Variants in DIP2C observed in about 807,000 individuals in gnomAD.
DIP2C encodes DIP2 acetate--CoA ligase C (putative).
Under a neutral mutation model 192.4 loss-of-function variants are expected in DIP2C, and 33 were observed. That is an observed-to-expected ratio of 0.17 (90% confidence interval 0.13 to 0.23). The LOEUF is 0.23. DIP2C is among the 10% of genes least tolerant of loss of function. DIP2C has a pLI of 1.00. For missense variants in DIP2C, 1,537 were observed against 2,110.1 expected (o/e 0.73, Z 5.32); for synonymous variants, 979 against 864.1 (o/e 1.13, Z -2.33).
chr10:566,004 G>C (rs536019750), intron 1 of DIP2C, among the ~76,000 whole-genome samples: 1 of 152,296 alleles, frequency 6.6e-6, no homozygotes, highest in East Asian at 1.9e-4. Flanking sequence ...CCGGCATTCA[G>C]ACACTGTCAG....
At chr10:581,350 CAA>C (rs1477160639) in intron 1 of DIP2C, among the ~76,000 whole-genome samples, 3 of 152,082 alleles carry the variant, frequency 2.0e-5, no homozygotes, top group African/African-American at 7.2e-5. Flanking sequence ...CCACTGTTGA[CAA>C]AATACAGGCA....
chr10:613,004 G>GT (rs1853206133), intron 1 of DIP2C, among the ~76,000 whole-genome samples: 1 of 152,140 alleles, frequency 6.6e-6, no homozygotes, highest in Admixed American at 6.5e-5. Flanking sequence ...CGCTGACCAC[G>GT]TTCTTTCCTG....
Position 382,702 on chromosome 10 carries a change from C to T in DIP2C, c.1936G>A (p.Glu646Lys). The change falls in exon 17 of 37, where the codon GAG becomes AAG. Residue 646 changes from glutamate (E) to lysine (K), a missense_variant. Glu to Lys is a moderately conservative substitution (Grantham distance 56). This residue lies in a region of DIP2C where 677 missense variants were observed against 989.9 expected (regional missense o/e 0.68). Coordinates refer to ENST00000280886, the MANE Select transcript of DIP2C (RefSeq NM_014974.3). ...GAGCTGGCACAAGGACAGATGACCTCCTGTCGAAGGCCTTTACTTTGGAAG... is the reference window on the plus strand; with the variant it reads ...GAGCTGGCACAAGGACAGATGACCTTCTGTCGAAGGCCTTTACTTTGGAAG... ...NVFQSKGLRQ[E>K]VICPCASSPE... The T allele has an allele frequency of 6.2e-7, 1 of 1,613,936 alleles. No homozygotes were observed. Among genetic ancestry groups the T allele is most frequent in the South Asian group, 1.1e-5 (1 of 91,002 alleles).
At chr10:559,440 T>C (rs996137055) in intron 1 of DIP2C, among the ~76,000 whole-genome samples, 1 of 152,068 alleles carries the variant, frequency 6.6e-6, no homozygotes, top group African/African-American at 2.4e-5. Context: ...AAGGAACATA[T>C]TTAAAAGCCC....
At chr10:558,145 A>C (rs910818447) in intron 1 of DIP2C, among the ~76,000 whole-genome samples, 2 of 152,198 alleles carry the variant, frequency 1.3e-5, no homozygotes, top group African/African-American at 4.8e-5. Flanking sequence ...TTGTCTTACC[A>C]GCCACGCTGT....
chr10:620,229 A>G (rs1247810914), intron 1 of DIP2C, among the ~76,000 whole-genome samples: 1 of 152,004 alleles, frequency 6.6e-6, no homozygotes, highest in Admixed American at 6.6e-5. Context: ...CTGCCTATCT[A>G]TTTTATGGGA....
At chr10:678,601 ACTCGTGATC>A (rs1830962251) in intron 1 of DIP2C, among the ~76,000 whole-genome samples, 1 of 131,188 alleles carries the variant, frequency 7.6e-6, no homozygotes. Flanking sequence ...TGCTCCCCAC[ACTCGTGATC>A]CCCGTGCCCA....
intron 1 of DIP2C, chr10:664,523 T>C (rs1015395913): frequency 4.6e-5 from 7 of 152,148 alleles, no homozygotes; most frequent in African/African-American, 1.7e-4. Flanking sequence ...AATCATCCAA[T>C]AAAATGACAC....
At chr10:546,516 T>C (rs987893892) in intron 1 of DIP2C, among the ~76,000 whole-genome samples, 1 of 152,166 alleles carries the variant, frequency 6.6e-6, no homozygotes, top group East Asian at 1.9e-4. Context: ...AAATGTCTGA[T>C]CCCATGCTAT....
intron 1 of DIP2C, among the ~76,000 whole-genome samples, chr10:550,216 G>T (rs189429844): frequency 6.6e-6 from 1 of 152,106 alleles, no homozygotes; most frequent in African/African-American, 2.4e-5. Flanking sequence ...CACCATGTTG[G>T]CCAGGCTGGT....
chr10:621,041 G>A (rs1853815077), intron 1 of DIP2C, among the ~76,000 whole-genome samples: 1 of 152,152 alleles, frequency 6.6e-6, no homozygotes, highest in Non-Finnish European at 1.5e-5. Context: ...TCCTGAGGAG[G>A]CCCAAGTACC....
chr10:320,964 G>C (rs1376208754), intron 31 of DIP2C, among the ~76,000 whole-genome samples: 1 of 152,178 alleles, frequency 6.6e-6, no homozygotes, highest in Admixed American at 6.5e-5. Context: ...GGCGGAGCAG[G>C]ATGAGGGCAG....
chr10:313,173 C>T (rs1019275906), intron 31 of DIP2C, among the ~76,000 whole-genome samples: 2 of 152,094 alleles, frequency 1.3e-5, no homozygotes, highest in East Asian at 1.9e-4. Context: ...CTTCATATTG[C>T]CAAAGAATGC....
intron 3 of DIP2C, among the ~76,000 whole-genome samples, chr10:450,261 G>A (rs548202843): frequency 1.8e-4 from 26 of 146,376 alleles, no homozygotes; most frequent in African/African-American, 2.5e-4. Flanking sequence ...CAATGGTCCC[G>A]TGTTGCATTT....
chr10:349,571 C>A, intron 24 of DIP2C, 117 bp from the exon 25 acceptor site: 1 of 1,404,420 alleles, frequency 7.1e-7, no homozygotes, highest in South Asian at 1.4e-5. Flanking sequence ...GTTTTTAGAA[C>A]AAGCACAGAC....
intron 15 of DIP2C, 54 bp downstream of exon 15, chr10:384,492 C>A (rs918463838): frequency 6.4e-7 from 1 of 1,566,478 alleles, no homozygotes; most frequent in East Asian, 2.2e-5. Context: ...CCTGCTTTGG[C>A]CTCCTAAAGC....
chr10:644,099 G>A (rs4881498), intron 1 of DIP2C, among the ~76,000 whole-genome samples: 148,918 of 152,374 alleles, frequency 0.98, 72,861 homozygotes, highest in East Asian at 1. Context: ...TCAGGATTCC[G>A]TGAGCGTATT....
chr10:452,143 C>A (rs1205905461), intron 3 of DIP2C, among the ~76,000 whole-genome samples: 2 of 152,120 alleles, frequency 1.3e-5, no homozygotes, highest in East Asian at 1.9e-4. Flanking sequence ...GACTGCACAG[C>A]AGAAGACAGC....
intron 1 of DIP2C, among the ~76,000 whole-genome samples, chr10:550,633 G>A (rs927467894): frequency 1.3e-4 from 20 of 152,134 alleles, no homozygotes; most frequent in Non-Finnish European, 2.2e-4. Context: ...ACCGCAGAGC[G>A]TCTGCACTCT....
Sources: gnomAD v4.1 joint callset for allele counts (sites outside exome capture counted in the v4.1 genomes callset) on GRCh38, gnomAD v4.1.1 for gene constraint, gnomAD v4.1.1 regional missense constraint, MANE v1.5 for transcripts, NCBI Gene and HGNC (gene_info 2026-07-23, HGNC 2026-07-21) for gene names.